Variants in ZC2HC1B observed in about 807,000 individuals in gnomAD.
ZC2HC1B encodes zinc finger C2HC-type containing 1B, also known as zinc finger C2HC domain-containing protein 1B.
Under a neutral mutation model 31.0 loss-of-function variants are expected in ZC2HC1B, and 36 were observed. That is an observed-to-expected ratio of 1.16 (90% CI 0.89 to 1.54). The LOEUF is 1.54. Among genes scored for constraint, ZC2HC1B ranks in the 40% most tolerant of loss-of-function variants. The pLI is 0.00. For missense variants in ZC2HC1B, 260 were observed against 268.6 expected (o/e 0.97, Z 0.22); for synonymous variants, 73 against 88.0 (o/e 0.83, Z 0.95).
intron 1 of ZC2HC1B, among the ~76,000 whole-genome samples, chr6:143,875,355 GGATCC>G (rs1777393338): frequency 7.3e-6 from 1 of 136,934 alleles, no homozygotes; most frequent in African/African-American, 2.7e-5. Context: ...TTATGCCTTT[GGATCC>G]CTTCTTCTAC....
chr6:143,881,527 G>A (rs966138072), intron 1 of ZC2HC1B, among the ~76,000 whole-genome samples: 2 of 139,358 alleles, frequency 1.4e-5, no homozygotes, highest in Non-Finnish European at 3.0e-5. Flanking sequence ...CCCTAGCCTG[G>A]GTGAAAGACC....
In ZC2HC1B at chr6:143,872,185, G is replaced by A. The variant is rs191600244; in HGVS notation, c.28+7618G>A. ...ATGGAGTCCTTTTTCAAGGGGACCC[G>A]GCCTCCCCTTCATTCAAGCAGCTCT... On this transcript the variant is annotated intron_variant, in intron 1 of 7. Transcript: ENST00000237275. The surrounding 1 kb of genome is among the most constrained non-coding windows in gnomAD (Gnocchi z 5.5). Among the ~76,000 whole-genome samples, 122 of 152,200 alleles carry A rather than the reference G, an allele frequency of 8.0e-4. No individual in the cohort carries two copies. The highest frequency in any genetic ancestry group is 2.6e-3 in the African/African-American group (110 of 41,528).
In ZC2HC1B at chr6:143,884,307, G is replaced by A. The variant is rs116398727; in HGVS notation, c.32G>A (p.Gly11Asp). 3.1e-4 allele frequency: 480 copies of A among 1,530,276 alleles called. 1 individual carries two copies. The African/African-American group carries it at 6.1e-3, about 20-fold the overall frequency. 94.8% of individuals were successfully genotyped at this position (1,530,276 alleles called of 1,614,324 possible). Residue 11 changes from glycine (G) to aspartate (D), a missense_variant, in exon 2 of 8, where the codon GGC (glycine) becomes GAC (aspartate). Coordinates refer to ENST00000237275, the MANE Select transcript of ZC2HC1B (RefSeq NM_001013623.3). The surrounding 1 kb of genome is among the most constrained non-coding windows in gnomAD (Gnocchi z 5.1). ...TGTGCTCTTGAATTTTACACAGATG[G>A]CAATCAGGAATTGTTTCCCTGTGAA... MAGAEPFLADGNQELFPCEVC... is the reference protein window; with the variant it reads MAGAEPFLADDNQELFPCEVC...
At chr6:143,888,891 C>T (rs973134651) in intron 4 of ZC2HC1B, among the ~76,000 whole-genome samples, 11 of 151,840 alleles carry the variant, frequency 7.2e-5, no homozygotes, top group African/African-American at 2.2e-4. Flanking sequence ...ATTTCTTTTT[C>T]GAACCTAAAT....
At chr6:143,888,936 G>A (rs1301228340) in intron 4 of ZC2HC1B, among the ~76,000 whole-genome samples, 4 of 151,962 alleles carry the variant, frequency 2.6e-5, no homozygotes, top group South Asian at 4.1e-4. Flanking sequence ...ATATCGAATA[G>A]GAGTGGCAAA....
Position 143,898,645 on chromosome 6 carries a change from T to C in ZC2HC1B, c.443T>C (p.Val148Ala), listed in dbSNP as rs1038100614. 2 of 1,551,978 alleles carry C rather than the reference T, an allele frequency of 1.3e-6. No homozygotes were observed. Among genetic ancestry groups the C allele is most frequent in the Non-Finnish European group, 1.7e-6 (2 of 1,147,022 alleles). ...NFCKDQSSRR[V>A]FNPAQTAAKL... is the part of the protein sequence containing the mutation. ...TGCAAGGATCAGTCTTCTCGCCGAG[T>C]CTTTAATCCAGCTCAGACAGCAGCC... Residue 148 changes from valine (V) to alanine (A), a missense_variant, in exon 5 of 8, where the codon GTC becomes GCC. Transcript: ENST00000237275.
At chr6:143,914,929 A>G (rs1293380682) in intron 6 of ZC2HC1B, among the ~76,000 whole-genome samples, 1 of 152,144 alleles carries the variant, frequency 6.6e-6, no homozygotes, top group Non-Finnish European at 1.5e-5. Flanking sequence ...GGCAGCATGT[A>G]GTTTTATTCA....
rs1777537404 is a variant in ZC2HC1B, at chr6:143,886,937, T to C, written c.349+116T>C. 2.8e-6 allele frequency: 3 copies of C among 1,056,790 alleles called. No individual in the cohort carries two copies. Among genetic ancestry groups the C allele is most frequent in the African/African-American group, 3.3e-5 (2 of 59,960 alleles). 65.5% of individuals were successfully genotyped at this position (1,056,790 alleles called of 1,614,324 possible). ...AATTACATAGAAGTAATTTTATTAATTATATAAAAGTAAACATCCTATTTT... is the reference window on the plus strand; with the variant it reads ...AATTACATAGAAGTAATTTTATTAACTATATAAAAGTAAACATCCTATTTT... On this transcript the variant is annotated intron_variant, in intron 4 of 7. Transcript: ENST00000237275. This position sits in a 1 kb window ranked among gnomAD's most constrained non-coding sequence, Gnocchi z 4.2.
rs991183009 is a variant in ZC2HC1B, at chr6:143,920,333, T to A, written c.598+17181T>A. On this transcript the variant is annotated intron_variant, in intron 6 of 7. Transcript: ENST00000237275. The stretch of plus-strand genomic sequence containing the variant: ...AGATCGTGAATGGGAAAAGACAGCA[T>A]GTCAGTTACGGTGTTGAAAATCAGA... 1.8e-4 allele frequency among the ~76,000 whole-genome samples: 28 copies of A among 152,210 alleles called. 1 individual carries two copies. Among genetic ancestry groups the A allele is most frequent in the Admixed American group, 7.9e-4 (12 of 15,286 alleles).
At chr6:143,937,625 A>T in intron 6 of ZC2HC1B, 24 bp from the exon 7 acceptor site, 1 of 1,537,806 alleles carries the variant, frequency 6.5e-7, no homozygotes, top group Non-Finnish European at 8.8e-7. Context: ...TGACATAATA[A>T]CAAATCTGTT....
At position 143,895,418 on chromosome 6, in the gene ZC2HC1B, C is replaced by T. The variant is rs1777654888; in HGVS notation, c.350-3134C>T. On this transcript the variant is annotated intron_variant, in intron 4 of 7. Coordinates refer to ENST00000237275, the MANE Select transcript of ZC2HC1B (RefSeq NM_001013623.3). The surrounding 1 kb of genome is among the most constrained non-coding windows in gnomAD (Gnocchi z 4.8). ...CCTCAGGTAATGCACATGCCTCGGC[C>T]TCCCAAAGTGCTGGGATTACAGGCA... 6.6e-6 allele frequency among the ~76,000 whole-genome samples: 1 copy of T among 152,172 alleles called. No individual in the cohort carries two copies. The highest frequency in any genetic ancestry group is 2.1e-4 in the South Asian group (1 of 4,830).
intron 6 of ZC2HC1B, among the ~76,000 whole-genome samples, chr6:143,914,322 G>A (rs1285200003): frequency 6.6e-6 from 1 of 151,842 alleles, no homozygotes; most frequent in Non-Finnish European, 1.5e-5. Flanking sequence ...AATTTCTCTT[G>A]TGATTTCTTC....
intron 5 of ZC2HC1B, 49 bp from the exon 6 acceptor site, chr6:143,902,995 G>T: frequency 6.5e-7 from 1 of 1,528,622 alleles, no homozygotes. Context: ...GGCACCTGAG[G>T]TTACATACAG....
At chr6:143,902,392 GA>G (rs1169795010) in intron 5 of ZC2HC1B, among the ~76,000 whole-genome samples, 4 of 152,166 alleles carry the variant, frequency 2.6e-5, no homozygotes, top group Non-Finnish European at 4.4e-5. Context: ...GAATGGGGAT[GA>G]GCTGCCTCCT....
intron 5 of ZC2HC1B, among the ~76,000 whole-genome samples, chr6:143,901,170 A>G (rs769141204): frequency 2.4e-4 from 37 of 151,784 alleles, no homozygotes; most frequent in Non-Finnish European, 4.6e-4. Flanking sequence ...AGATAGCATG[A>G]AAAGAAGTGC....
chr6:143,900,690 G>A (rs1777727385), intron 5 of ZC2HC1B, among the ~76,000 whole-genome samples: 1 of 152,092 alleles, frequency 6.6e-6, no homozygotes. Context: ...TTAGACATAG[G>A]ATAAAAGAGG....
chr6:143,891,851 A>T (rs1286350981), intron 4 of ZC2HC1B, among the ~76,000 whole-genome samples: 3 of 152,018 alleles, frequency 2.0e-5, no homozygotes, highest in Admixed American at 2.0e-4. Flanking sequence ...TTATTATAAC[A>T]GTACAGTGAT....
Position 143,898,636 on chromosome 6 carries a change from C to T in ZC2HC1B, c.434C>T (p.Ser145Phe). The change falls in exon 5 of 8, where the codon TCT becomes TTT. Residue 145 changes from serine to phenylalanine, a missense_variant. Coordinates refer to ENST00000237275, the MANE Select transcript of ZC2HC1B (RefSeq NM_001013623.3). ...RHTNFCKDQS[S>F]RRVFNPAQTA... The stretch of plus-strand genomic sequence containing the variant: ...ACTAATTTCTGCAAGGATCAGTCTT[C>T]TCGCCGAGTCTTTAATCCAGCTCAG... 3.9e-6 allele frequency: 6 copies of T among 1,551,992 alleles called. No homozygotes were observed. Among genetic ancestry groups the T allele is most frequent in the South Asian group, 1.2e-5 (1 of 84,062 alleles).
Position 143,886,117 on chromosome 6 carries a change from A to AC in ZC2HC1B, c.177dup (p.Ile60HisfsTer19), listed in dbSNP as rs1471010446. On this transcript the variant is annotated frameshift_variant, in exon 3 of 8. Coordinates refer to ENST00000237275, the MANE Select transcript of ZC2HC1B (RefSeq NM_001013623.3). LOFTEE classifies it high-confidence loss of function. The surrounding 1 kb of genome is among the most constrained non-coding windows in gnomAD (Gnocchi z 4.2). ...TTGAAGCAAAGATTACAGGGCACTG[A>AC]CATTCCTACTGTGAAGAAGACTCCA... 6.5e-7 allele frequency: 1 copy of AC among 1,548,768 alleles called. No homozygotes were observed. The highest frequency in any genetic ancestry group is 1.4e-5 in the African/African-American group (1 of 72,864).
Sources: allele counts gnomAD v4.1 joint callset (sites outside exome capture counted in the v4.1 genomes callset), GRCh38; gene constraint gnomAD v4.1.1; non-coding constraint Gnocchi (gnomAD v3.1); transcripts MANE v1.5; gene names NCBI Gene and HGNC (gene_info 2026-07-23, HGNC 2026-07-21).